The following PRPF18 variants were observed in gnomAD, a reference collection of about 807,000 sequenced individuals.
The protein encoded by PRPF18 is pre-mRNA-splicing factor 18.
PRPF18 carries 38 observed loss-of-function variants against 46.5 expected under a neutral mutation model. The observed-to-expected ratio is 0.82, with a 90% confidence interval of 0.63 to 1.07. The LOEUF (loss-of-function observed/expected upper bound fraction) is 1.07, where lower values mean the gene tolerates loss of function less well. PRPF18 is among the 50% of genes least tolerant of loss of function. The probability of loss-of-function intolerance (pLI) is 0.00; values close to 1 mark genes in which losing one functional copy is unlikely to be tolerated. For missense variants in PRPF18, 263 were observed against 410.0 expected (o/e 0.64, Z 3.10); for synonymous variants, 152 against 146.7 (o/e 1.04, Z -0.26).
At chr10:13,638,525 T>G in the PRPF18 span, 1 of 152,118 alleles carries the variant, frequency 6.6e-6, no homozygotes, top group Non-Finnish European at 1.5e-5. Flanking sequence ...AAGTTGGTGG[T>G]GTAGCTCCCG....
At chr10:13,611,740 T>A in intron 6 of PRPF18, 57 bp downstream of exon 6, 1 of 1,492,670 alleles carries the variant, frequency 6.7e-7, no homozygotes, top group South Asian at 1.2e-5. Flanking sequence ...ACTATTCTTA[T>A]ATTTTTGGAT....
At chr10:13,614,132 G>T in intron 8 of PRPF18, 46 bp downstream of exon 8, 1 of 1,355,584 alleles carries the variant, frequency 7.4e-7, no homozygotes, top group Non-Finnish European at 1.0e-6. Flanking sequence ...GTATATCTAG[G>T]TTATGTACGT....
chr10:13,652,035 C>G, the PRPF18 span: 2 of 856,350 alleles, frequency 2.3e-6, no homozygotes, highest in South Asian at 1.3e-5. Context: ...GAGACACTGA[C>G]ACAGACACAG....
At chr10:13,640,307 T>G in the PRPF18 span, 2 of 152,156 alleles carry the variant, frequency 1.3e-5, no homozygotes, top group African/African-American at 4.8e-5. Flanking sequence ...CAGTTGTTTG[T>G]TCAATCATCT....
At chr10:13,624,074 C>T (rs2080461653) in intron 9 of PRPF18, among the ~76,000 whole-genome samples, 1 of 152,174 alleles carries the variant, frequency 6.6e-6, no homozygotes, top group South Asian at 2.1e-4. Context: ...AACTTCCACC[C>T]CCCAGGTTCA....
intron 3 of PRPF18, among the ~76,000 whole-genome samples, chr10:13,600,778 CTTTA>C (rs2080094929): frequency 6.6e-6 from 1 of 151,878 alleles, no homozygotes; most frequent in Non-Finnish European, 1.5e-5. Context: ...ATGTTTCTTT[CTTTA>C]TTTATTTATT....
chr10:13,634,593 C>T (rs1261895396), downstream of PRPF18, among the ~76,000 whole-genome samples: 1 of 152,218 alleles, frequency 6.6e-6, no homozygotes, highest in East Asian at 1.9e-4. Flanking sequence ...GTGCAGTCTG[C>T]GCCTGCCTTT....
chr10:13,633,991 A>G (rs1399672623), downstream of PRPF18, among the ~76,000 whole-genome samples: 3 of 152,322 alleles, frequency 2.0e-5, no homozygotes, highest in Middle Eastern at 3.4e-3. Context: ...TAGTCCTTTA[A>G]TGGTTAACAG....
chr10:13,639,308 C>T, the PRPF18 span: 1 of 152,162 alleles, frequency 6.6e-6, no homozygotes, highest in Non-Finnish European at 1.5e-5. Flanking sequence ...AGCTCTGATT[C>T]CTCTTGTGTT....
intron 4 of PRPF18, among the ~76,000 whole-genome samples, chr10:13,608,687 T>C (rs1300990405): frequency 6.6e-6 from 1 of 152,238 alleles, no homozygotes. Context: ...CCTTTGTTAG[T>C]GTACTTACTG....
At chr10:13,614,362 A>G (rs943202090) in intron 8 of PRPF18, among the ~76,000 whole-genome samples, 2 of 152,346 alleles carry the variant, frequency 1.3e-5, no homozygotes, top group South Asian at 4.1e-4. Context: ...TGAACTTTAT[A>G]TAGGCAGTGT....
intron 1 of PRPF18, among the ~76,000 whole-genome samples, chr10:13,596,692 C>A (rs1334298359): frequency 6.6e-6 from 1 of 152,158 alleles, no homozygotes; most frequent in East Asian, 1.9e-4. Flanking sequence ...GGACTGACAT[C>A]TTTTTAGCCA....
At chr10:13,588,354 C>G (rs2133012145) in intron 1 of PRPF18, among the ~76,000 whole-genome samples, 1 of 151,744 alleles carries the variant, frequency 6.6e-6, no homozygotes, top group African/African-American at 2.4e-5. Flanking sequence ...TTGCCGTGAG[C>G]CGACATCGCA....
chr10:13,628,610 A>G (rs1174649863), intron 9 of PRPF18, among the ~76,000 whole-genome samples: 1 of 151,996 alleles, frequency 6.6e-6, no homozygotes, highest in Admixed American at 6.6e-5. Flanking sequence ...GGTTGAATCC[A>G]TGGACACATA....
chr10:13,586,996 C>G lies in PRPF18; in HGVS notation c.-91C>G. 1 of 1,309,956 alleles carries G rather than the reference C, an allele frequency of 7.6e-7. No individual in the cohort carries two copies. Among genetic ancestry groups the G allele is most frequent in the South Asian group, 1.2e-5 (1 of 84,764 alleles). 81.1% of individuals were successfully genotyped at this position (1,309,956 alleles called of 1,614,324 possible). On this transcript the variant is annotated 5_prime_UTR_variant, in exon 1 of 10. Coordinates refer to ENST00000378572, the MANE Select transcript of PRPF18 (RefSeq NM_003675.4). ...TCTCAGGTGTTTGGGCTTGTTGTTC[C>G]GTATACTCAGTGGGTTCGCGGCCGC... is the stretch of plus-strand genomic sequence containing the variant.
In PRPF18 at chr10:13,603,740, G is replaced by A. The variant is rs78990537; in HGVS notation, c.250-1891G>A. ...AAGGCTTATGTATTCTGTACTTCTC[G>A]CAAGTTGACATGTTTGTAGTATTAT... On this transcript the variant is annotated intron_variant, in intron 3 of 9. Transcript: ENST00000378572. Among the ~76,000 whole-genome samples the A allele has an allele frequency of 8.9e-3, 1,352 of 152,188 alleles. 27 individuals are homozygous for A. The highest frequency in any genetic ancestry group is 0.031 in the African/African-American group (1,298 of 41,518).
the PRPF18 span, chr10:13,655,411 G>A: frequency 1.3e-5 from 2 of 152,094 alleles, no homozygotes; most frequent in Admixed American, 1.3e-4. Flanking sequence ...GATCTTCCTG[G>A]GGAGTCAATG....
the PRPF18 span, among the ~76,000 whole-genome samples, chr10:13,652,642 AACAG>A: frequency 6.6e-6 from 1 of 152,222 alleles, no homozygotes; most frequent in South Asian, 2.1e-4. Context: ...GCTACTGTCC[AACAG>A]ACAGCCCAAG....
intron 3 of PRPF18, among the ~76,000 whole-genome samples, chr10:13,605,321 C>T (rs553365137): frequency 2.6e-5 from 4 of 152,218 alleles, no homozygotes; most frequent in Admixed American, 6.5e-5. Context: ...CATTAGCTCA[C>T]GCCTGTAATC....
Sources: gnomAD v4.1 joint callset for allele counts (sites outside exome capture counted in the v4.1 genomes callset) on GRCh38, gnomAD v4.1.1 for gene constraint, MANE v1.5 for transcripts, NCBI Gene and HGNC (gene_info 2026-07-23, HGNC 2026-07-21) for gene names.